The following MKKS variants were observed in gnomAD, a reference collection of about 807,000 sequenced individuals.
MKKS encodes MKKS centrosomal shuttling protein, also known as molecular chaperone MKKS.
A neutral mutation model predicts 33.2 loss-of-function variants in MKKS; 29 were observed. That is an observed-to-expected ratio of 0.87 (90% CI 0.65 to 1.19). The LOEUF (loss-of-function observed/expected upper bound fraction) is 1.19, where lower values mean the gene tolerates loss of function less well. MKKS is among the 50% of genes most tolerant of loss of function. The probability of loss-of-function intolerance (pLI) is 0.00; values close to 1 mark genes in which losing one functional copy is unlikely to be tolerated. For synonymous variants in MKKS, 260 were observed against 244.0 expected (o/e 1.07, Z -0.61); for missense variants, 661 against 662.3 (o/e 1.00, Z 0.02).
Position 10,413,326 on chromosome 20 carries a change from C to A in MKKS, c.189G>T (p.Leu63=). 6.2e-7 allele frequency: 1 copy of A among 1,614,160 alleles called. No homozygotes were observed. Among genetic ancestry groups the A allele is most frequent in the Non-Finnish European group, 8.5e-7 (1 of 1,180,004 alleles). Residue 63 remains leucine (L), a synonymous_variant, in exon 3 of 6, where the codon CTG becomes CTT. Coordinates refer to ENST00000347364, the MANE Select transcript of MKKS (RefSeq NM_170784.3). Reference sequence around the variant, plus strand: ...GATGTGTGACCAAAAGGTGACTGAGCAGAGCTGAGGACTGTGAGGTTGTAC... The same window carrying A: ...GATGTGTGACCAAAAGGTGACTGAGAAGAGCTGAGGACTGTGAGGTTGTAC... The part of the protein sequence containing the change: ...YVCTTSQSSA[L]LSHLLVTHPI...
intron 3 of MKKS, among the ~76,000 whole-genome samples, chr20:10,410,995 T>C (rs988923329): frequency 2.1e-5 from 3 of 142,728 alleles, no homozygotes; most frequent in Non-Finnish European, 3.1e-5. Context: ...AAATGTTTGG[T>C]TTTTTTTTTT....
chr20:10,422,757 G>C (rs141703912), intron 1 of MKKS, among the ~76,000 whole-genome samples: 1 of 149,238 alleles, frequency 6.7e-6, no homozygotes, highest in Non-Finnish European at 1.5e-5. Context: ...TGTCACCCAA[G>C]CTGTAGTGCA....
In MKKS at chr20:10,413,024, C is replaced by T. The variant is rs766343627; in HGVS notation, c.491G>A (p.Cys164Tyr). The part of the protein sequence containing the change: ...VRSILTSKPA[C>Y]MLTRKETEHV... The stretch of plus-strand genomic sequence containing the variant: ...CTCTGTTTCCTTTCTGGTGAGCATA[C>T]AGGCAGGTTTACTTGTTAATATACT... Residue 164 changes from cysteine to tyrosine, a missense_variant, in exon 3 of 6, where the codon TGT becomes TAT. Transcript: ENST00000347364. 6.2e-7 allele frequency: 1 copy of T among 1,614,040 alleles called. No homozygotes were observed. Among genetic ancestry groups the T allele is most frequent in the Admixed American group, 1.7e-5 (1 of 60,018 alleles).
chr20:10,414,692 A>G (rs2122239453), intron 2 of MKKS, among the ~76,000 whole-genome samples: 1 of 152,306 alleles, frequency 6.6e-6, no homozygotes, highest in East Asian at 1.9e-4. Context: ...CATTTATATC[A>G]AGTCATGTTT....
At chr20:10,407,032 T>C (rs1056861456) in intron 5 of MKKS, among the ~76,000 whole-genome samples, 2 of 152,200 alleles carry the variant, frequency 1.3e-5, no homozygotes, top group Non-Finnish European at 1.5e-5. Flanking sequence ...CTGAGAGCTG[T>C]CAGGAAATGG....
intron 3 of MKKS, among the ~76,000 whole-genome samples, chr20:10,412,112 A>G (rs1036993110): frequency 5.9e-5 from 9 of 152,200 alleles, no homozygotes; most frequent in African/African-American, 2.2e-4. Flanking sequence ...GAAGTACAGA[A>G]GTTTGCTGGA....
At position 10,413,589 on chromosome 20, in the gene MKKS, G is replaced by A. The variant is rs1017709078; in HGVS notation, c.-75C>T. 63 of 1,482,674 alleles carry A rather than the reference G, an allele frequency of 4.2e-5. 1 individual carries two copies. The highest frequency in any genetic ancestry group is 3.2e-4 in the South Asian group (28 of 87,486). 91.8% of individuals were successfully genotyped at this position (1,482,674 alleles called of 1,614,324 possible). ...ATTTTTCTATTTATTGCATTATCAC[G>A]TTTTAACATTAAAAATTATTCTTTA... On this transcript the variant is annotated 5_prime_UTR_variant, in exon 3 of 6. The change creates a new upstream start codon in the 5' untranslated region. Coordinates refer to ENST00000347364, the MANE Select transcript of MKKS (RefSeq NM_170784.3).
chr20:10,434,117 A>T lies in MKKS; in HGVS notation c.-658T>A, dbSNP rs2065079798. The T allele has an allele frequency of 6.6e-6, 1 of 150,940 alleles. No individual in the cohort carries two copies. The highest frequency in any genetic ancestry group is 2.4e-5 in the African/African-American group (1 of 40,994). The allele number at this position is 150,940 out of a possible 1,614,324, so 9.4% of individuals were successfully genotyped here. ...GTCCCAGCGCTCTCACCTGCGCACC[A>T]GCCGTCGCGCCGCCCCAGGCCGCCA... On this transcript the variant is annotated 5_prime_UTR_variant, in exon 1 of 6. Coordinates refer to ENST00000347364, the MANE Select transcript of MKKS (RefSeq NM_170784.3).
At chr20:10,422,642 T>C (rs1301180575) in intron 1 of MKKS, among the ~76,000 whole-genome samples, 1 of 152,102 alleles carries the variant, frequency 6.6e-6, no homozygotes, top group African/African-American at 2.4e-5. Flanking sequence ...GTTATTTATA[T>C]CCAGTCTCAA....
In MKKS at chr20:10,401,126, G is replaced by C. The variant is rs1326455029; in HGVS notation, c.*4121C>G. On this transcript the variant is annotated 3_prime_UTR_variant, in exon 6 of 6. Transcript: ENST00000347364. ...TTCACACTTCATTACAGGTAATATA[G>C]TATTCTATGGATTTTAGTGCGCCAA... The C allele has an allele frequency of 6.6e-6, 1 of 152,138 alleles. No individual in the cohort carries two copies. Among genetic ancestry groups the C allele is most frequent in the East Asian group, 1.9e-4 (1 of 5,192 alleles). The allele number at this position is 152,138 out of a possible 1,614,324, so 9.4% of individuals were successfully genotyped here. A position where few individuals can be genotyped will look rare whatever the true frequency, so the allele number is the denominator to read the frequency against.
intron 1 of MKKS, among the ~76,000 whole-genome samples, chr20:10,424,378 G>A (rs2060070218): frequency 6.6e-6 from 1 of 152,030 alleles, no homozygotes; most frequent in Admixed American, 6.5e-5. Flanking sequence ...AATACAGTGA[G>A]ACTTCATCTC....
Position 10,403,491 on chromosome 20 carries a change from A to G in MKKS, c.*1756T>C, listed in dbSNP as rs1387044700. 3.3e-5 allele frequency: 5 copies of G among 152,190 alleles called. No individual in the cohort carries two copies. Among genetic ancestry groups the G allele is most frequent in the Admixed American group, 6.5e-5 (1 of 15,270 alleles). 9.4% of individuals were successfully genotyped at this position (152,190 alleles called of 1,614,324 possible). ...ATTGGAATCAAGTCAGGGTGATATC[A>G]TAACTGGAATCACCCCAGGCTTCCT... is the stretch of plus-strand genomic sequence containing the variant. On this transcript the variant is annotated 3_prime_UTR_variant, in exon 6 of 6. Transcript: ENST00000347364.
At chr20:10,413,971 CCAAG>C (rs2064917688) in intron 2 of MKKS, 40 bp from the exon 3 acceptor site, 2 of 402,676 alleles carry the variant, frequency 5.0e-6, no homozygotes, top group Non-Finnish European at 8.7e-6. Context: ...GAAATACTTC[CCAAG>C]CAGTTTGTAG....
rs1333308107 is a variant in MKKS, at chr20:10,405,655, A to T, written c.1305T>A (p.Asp435Glu). The T allele has an allele frequency of 3.7e-6, 6 of 1,614,158 alleles. No individual in the cohort carries two copies. The highest frequency in any genetic ancestry group is 5.1e-6 in the Non-Finnish European group (6 of 1,179,996). Reference sequence around the variant, plus strand: ...GAAGTTCTGTTTGAGTACATTCATCATCTTTGAGAATGCTTTCTGGGTCGT... The same window carrying T: ...GAAGTTCTGTTTGAGTACATTCATCTTCTTTGAGAATGCTTTCTGGGTCGT... ...THNDPESILK[D>E]DECTQTELQL... Residue 435 changes from aspartate to glutamate, a missense_variant, in exon 6 of 6, where the codon GAT becomes GAA. Physicochemically the swap from Asp to Glu is conservative, Grantham distance 45. Transcript: ENST00000347364.
chr20:10,409,004 G>A (rs1297549686), intron 3 of MKKS, among the ~76,000 whole-genome samples: 1 of 152,122 alleles, frequency 6.6e-6, no homozygotes, highest in Non-Finnish European at 1.5e-5. Context: ...ATAAAGTAAA[G>A]TAGAAGTTAT....
Position 10,413,080 on chromosome 20 carries a change from ACT to A in MKKS, c.433_434del (p.Ser145Ter), listed in dbSNP as rs764382536. On this transcript the variant is annotated frameshift_variant, in exon 3 of 6. Coordinates refer to ENST00000347364, the MANE Select transcript of MKKS (RefSeq NM_170784.3). LOFTEE classifies it high-confidence loss of function. ...CCAAACAAAGGAGGATCTGAGTACT[ACT>A]AAAGTCCACTGGGATTCGACAACCA... Reference protein sequence around the residue: ...TCGCRIPVDFSSTQILLCLVR... With the variant: ...TCGCRIPVDFXSTQILLCLVR... The A allele has an allele frequency of 6.8e-6, 11 of 1,613,930 alleles. No individual in the cohort carries two copies. Among genetic ancestry groups the A allele is most frequent in the Non-Finnish European group, 9.3e-6 (11 of 1,180,040 alleles).
chr20:10,414,054 A>T lies in MKKS; in HGVS notation c.-417-123T>A, dbSNP rs1568667311. The T allele has an allele frequency of 1.6e-5, 6 of 374,838 alleles. No homozygotes were observed. The East Asian group carries it at 2.3e-4, about 14-fold the overall frequency. 23.2% of individuals were successfully genotyped at this position (374,838 alleles called of 1,614,324 possible). ...GAAAAAGGAACTACTAACTGGCACAAACGTCCAGAAAATGAGAAAGGTAGA... is the reference window on the plus strand; with the variant it reads ...GAAAAAGGAACTACTAACTGGCACATACGTCCAGAAAATGAGAAAGGTAGA... On this transcript the variant is annotated intron_variant, in intron 2 of 5. Transcript: ENST00000347364.
chr20:10,433,471 T>G (rs974447028), intron 1 of MKKS, among the ~76,000 whole-genome samples: 3 of 152,204 alleles, frequency 2.0e-5, no homozygotes, highest in Non-Finnish European at 2.9e-5. Flanking sequence ...GACACGTGTA[T>G]ATCTGTTTAT....
At chr20:10,417,950 A>G (rs1396594497) in intron 2 of MKKS, among the ~76,000 whole-genome samples, 5 of 152,192 alleles carry the variant, frequency 3.3e-5, no homozygotes, top group Admixed American at 1.3e-4. Context: ...GGGAATTGAA[A>G]AGAGATATTA....
Sources: gnomAD v4.1 joint callset for allele counts (sites outside exome capture counted in the v4.1 genomes callset) on GRCh38, gnomAD v4.1.1 for gene constraint, MANE v1.5 for transcripts, NCBI Gene and HGNC (gene_info 2026-07-23, HGNC 2026-07-21) for gene names.